The following SLC4A4 variants were observed in gnomAD, a reference collection of about 807,000 sequenced individuals.
SLC4A4 encodes electrogenic sodium bicarbonate cotransporter 1.
Under a neutral mutation model 111.5 loss-of-function variants are expected in SLC4A4, and 27 were observed. That is an observed-to-expected ratio of 0.24 (90% CI 0.18 to 0.33). The LOEUF (loss-of-function observed/expected upper bound fraction) is 0.33. SLC4A4 is among the 10% of genes least tolerant of loss of function. The probability of loss-of-function intolerance (pLI) is 1.00; values close to 1 mark genes in which losing one functional copy is unlikely to be tolerated. For synonymous variants in SLC4A4, 443 were observed against 463.4 expected, an observed-to-expected ratio of 0.96 and a Z score of 0.57; for missense variants, 909 against 1,315.5, an observed-to-expected ratio of 0.69 and a Z score of 4.78.
intron 2 of SLC4A4, among the ~76,000 whole-genome samples, chr4:71,123,782 A>G (rs1465068869): frequency 1.3e-5 from 2 of 152,188 alleles, no homozygotes; most frequent in Admixed American, 1.3e-4. Flanking sequence ...TTTGCGCCAA[A>G]TCATTCTATA....
chr4:71,240,084 C>G (rs1720088591), intron 2 of SLC4A4, among the ~76,000 whole-genome samples: 1 of 152,028 alleles, frequency 6.6e-6, no homozygotes, highest in Middle Eastern at 3.2e-3. Context: ...AATTACGTAG[C>G]AATTACGTAG....
intron 2 of SLC4A4, among the ~76,000 whole-genome samples, chr4:71,168,314 T>G (rs1744840039): frequency 6.6e-6 from 1 of 151,636 alleles, no homozygotes; most frequent in Admixed American, 6.6e-5. Context: ...CCCAAGTAGC[T>G]GGAATTCCAG....
chr4:71,240,674 T>A (rs545058488), intron 2 of SLC4A4, among the ~76,000 whole-genome samples: 1 of 152,178 alleles, frequency 6.6e-6, no homozygotes. Context: ...GTAAAAAAAG[T>A]ATGTCAGGGT....
At chr4:71,344,426 T>G (rs1434826944) in intron 4 of SLC4A4, among the ~76,000 whole-genome samples, 1 of 151,798 alleles carries the variant, frequency 6.6e-6, no homozygotes, top group African/African-American at 2.4e-5. Context: ...GATATGATAG[T>G]TTTTTCCCCC....
At chr4:71,508,639 C>A (rs904340404) in intron 16 of SLC4A4, among the ~76,000 whole-genome samples, 5 of 152,072 alleles carry the variant, frequency 3.3e-5, no homozygotes, top group Admixed American at 2.0e-4. Context: ...CCCGAAAAAG[C>A]CCAGGACCAG....
chr4:71,544,378 A>G (rs1005869594), intron 18 of SLC4A4, among the ~76,000 whole-genome samples: 3 of 151,978 alleles, frequency 2.0e-5, no homozygotes, highest in East Asian at 1.9e-4. Context: ...AGAAACACAT[A>G]TGAGGCATTG....
intron 7 of SLC4A4, among the ~76,000 whole-genome samples, chr4:71,439,795 A>G (rs1397944453): frequency 6.6e-6 from 1 of 151,650 alleles, no homozygotes; most frequent in Non-Finnish European, 1.5e-5. Flanking sequence ...TCTCAAATTT[A>G]CGTCTTCCCT....
intron 13 of SLC4A4, among the ~76,000 whole-genome samples, chr4:71,471,790 A>G (rs563290535): frequency 3.5e-4 from 53 of 152,068 alleles, no homozygotes; most frequent in African/African-American, 1.2e-3. Context: ...GAAATGGGAA[A>G]GGCCTCAAAA....
chr4:71,075,978 TAAA>T (rs1741804004), intron 1 of SLC4A4, among the ~76,000 whole-genome samples: 1 of 150,130 alleles, frequency 6.7e-6, no homozygotes, highest in African/African-American at 2.5e-5. Flanking sequence ...AATAAATAAA[TAAA>T]TAAATAAATA....
chr4:71,085,683 T>C (rs1001101419), intron 1 of SLC4A4, among the ~76,000 whole-genome samples: 4 of 152,116 alleles, frequency 2.6e-5, no homozygotes, highest in Admixed American at 6.5e-5. Flanking sequence ...CATTGCTTGT[T>C]TTTGTCAGGT....
chr4:71,150,293 A>G (rs13435715), intron 2 of SLC4A4, among the ~76,000 whole-genome samples: 37,042 of 151,902 alleles, frequency 0.24, 5,233 homozygotes, highest in African/African-American at 0.39. Context: ...TGAAATAGCA[A>G]CTGGGTTCTG....
chr4:71,321,850 A>G (rs1023570867), intron 3 of SLC4A4, among the ~76,000 whole-genome samples: 2 of 151,978 alleles, frequency 1.3e-5, no homozygotes, highest in African/African-American at 2.4e-5. Flanking sequence ...AAACTTCTAA[A>G]CCATAGCACA....
intron 2 of SLC4A4, among the ~76,000 whole-genome samples, chr4:71,162,114 T>C (rs745990771): frequency 2.0e-5 from 3 of 152,310 alleles, no homozygotes; most frequent in East Asian, 1.9e-4. Flanking sequence ...CAGTTGAAGA[T>C]AGAATATAGA....
At chr4:71,088,456 G>A (rs1578466940) in intron 1 of SLC4A4, among the ~76,000 whole-genome samples, 1 of 152,010 alleles carries the variant, frequency 6.6e-6, no homozygotes, top group South Asian at 2.1e-4. Flanking sequence ...CATGATGTTA[G>A]CTGGTTATTT....
intron 20 of SLC4A4, among the ~76,000 whole-genome samples, chr4:71,551,893 A>C (rs1482011466): frequency 6.6e-6 from 1 of 151,916 alleles, no homozygotes; most frequent in Non-Finnish European, 1.5e-5. Flanking sequence ...GGGAATTAGG[A>C]TATTATTTGA....
At chr4:71,420,461 A>G (rs1181235913) in intron 7 of SLC4A4, among the ~76,000 whole-genome samples, 3 of 152,050 alleles carry the variant, frequency 2.0e-5, no homozygotes, top group East Asian at 3.9e-4. Context: ...GCAGGCCAAC[A>G]TTCAGATTCA....
chr4:71,086,512 G>A (rs556438758), intron 1 of SLC4A4, among the ~76,000 whole-genome samples: 4 of 151,974 alleles, frequency 2.6e-5, no homozygotes, highest in African/African-American at 7.3e-5. Context: ...TCCAGTTTTT[G>A]CCCATTCAGT....
intron 1 of SLC4A4, among the ~76,000 whole-genome samples, chr4:71,227,140 A>G (rs1719100937): frequency 6.6e-6 from 1 of 152,238 alleles, no homozygotes; most frequent in Non-Finnish European, 1.5e-5. Flanking sequence ...AGGGAAGGGT[A>G]TGTCTGATAA....
intron 21 of SLC4A4, among the ~76,000 whole-genome samples, chr4:71,557,409 C>T (rs967003337): frequency 1.3e-5 from 2 of 151,902 alleles, no homozygotes; most frequent in African/African-American, 4.8e-5. Flanking sequence ...TCCTGAGACT[C>T]AGAGAGTAAA....
Sources: allele counts gnomAD v4.1 joint callset (sites outside exome capture counted in the v4.1 genomes callset), GRCh38; gene constraint gnomAD v4.1.1; transcripts MANE v1.5; gene names NCBI Gene and HGNC (gene_info 2026-07-23, HGNC 2026-07-21).